FARS2: variants seen among roughly 807,000 people sequenced by gnomAD.
FARS2 encodes the protein phenylalanine--tRNA ligase, mitochondrial.
FARS2 carries 40 observed loss-of-function variants against 46.4 expected under a neutral mutation model. The ratio of observed to expected loss-of-function variants is 0.86; its 90% CI spans 0.67 to 1.12. The LOEUF (loss-of-function observed/expected upper bound fraction) is 1.12, where lower values mean the gene tolerates loss of function less well. Ranked by LOEUF, FARS2 falls within the 50% of genes most tolerant of loss-of-function variation. The pLI, the probability that FARS2 is intolerant of heterozygous loss-of-function variation, is 0.00. For synonymous variants in FARS2, 234 were observed against 214.9 expected, an observed-to-expected ratio of 1.09 and a Z score of -0.78; for missense variants, 513 against 567.9, an observed-to-expected ratio of 0.90 and a Z score of 0.98.
At chr6:5,436,663 A>T (rs559463135) in intron 4 of FARS2, among the ~76,000 whole-genome samples, 1 of 152,344 alleles carries the variant, frequency 6.6e-6, no homozygotes, top group East Asian at 1.9e-4. Context: ...TAGAGACTTC[A>T]TAAAGGAGAT....
intron 3 of FARS2, among the ~76,000 whole-genome samples, chr6:5,405,480 C>CTTTTTTTCTTTT (rs765851968): frequency 1.2e-4 from 7 of 58,952 alleles, no homozygotes; most frequent in Non-Finnish European, 2.2e-4. Flanking sequence ...GAGCAAGGTT[C>CTTTTTTTCTTTT]TTTTTTTTTT....
chr6:5,744,693 A>G (rs1317756517), intron 6 of FARS2, among the ~76,000 whole-genome samples: 1 of 152,224 alleles, frequency 6.6e-6, no homozygotes, highest in African/African-American at 2.4e-5. Flanking sequence ...GATAAAGGCC[A>G]GAACACAGGG....
At chr6:5,517,998 T>C (rs1290132877) in intron 4 of FARS2, among the ~76,000 whole-genome samples, 5 of 152,300 alleles carry the variant, frequency 3.3e-5, no homozygotes, top group East Asian at 3.9e-4. Context: ...ATGGAAAGTC[T>C]TGGGTGCTGT....
intron 1 of FARS2, among the ~76,000 whole-genome samples, chr6:5,287,949 T>C (rs1020572362): frequency 6.6e-6 from 1 of 152,170 alleles, no homozygotes; most frequent in Non-Finnish European, 1.5e-5. Flanking sequence ...CTGATTATTA[T>C]TAAGGTAGTG....
chr6:5,654,185 G>A (rs1433569592), intron 6 of FARS2, among the ~76,000 whole-genome samples: 3 of 152,124 alleles, frequency 2.0e-5, no homozygotes, highest in Non-Finnish European at 2.9e-5. Context: ...GGAAACCACG[G>A]CTGCCCCATC....
At chr6:5,511,278 G>A (rs62387161) in intron 4 of FARS2, among the ~76,000 whole-genome samples, 4 of 151,926 alleles carry the variant, frequency 2.6e-5, no homozygotes, top group Admixed American at 6.6e-5. Flanking sequence ...GAGAAGGAAA[G>A]CATTTGTGCT....
intron 4 of FARS2, among the ~76,000 whole-genome samples, chr6:5,462,496 T>C (rs1765298237): frequency 6.6e-6 from 1 of 152,230 alleles, no homozygotes; most frequent in Non-Finnish European, 1.5e-5. Flanking sequence ...TATATTTTCT[T>C]CTAGAAGTTT....
intron 6 of FARS2, among the ~76,000 whole-genome samples, chr6:5,686,575 GC>G (rs1757244745): frequency 6.6e-6 from 1 of 152,152 alleles, no homozygotes; most frequent in South Asian, 2.1e-4. Flanking sequence ...GTATATATGT[GC>G]CACATTTTCT....
chr6:5,453,381 CAT>C (rs1198665463), intron 4 of FARS2, among the ~76,000 whole-genome samples: 1 of 152,122 alleles, frequency 6.6e-6, no homozygotes, highest in Non-Finnish European at 1.5e-5. Context: ...AGGAGGGAAA[CAT>C]AATTAATTAA....
chr6:5,688,626 C>G (rs1343666080), intron 6 of FARS2, among the ~76,000 whole-genome samples: 1 of 152,162 alleles, frequency 6.6e-6, no homozygotes, highest in Non-Finnish European at 1.5e-5. Flanking sequence ...AGGATTTTTG[C>G]ATTGATGTTC....
intron 6 of FARS2, among the ~76,000 whole-genome samples, chr6:5,756,742 AGTTT>A (rs1762227656): frequency 6.6e-6 from 1 of 152,208 alleles, no homozygotes; most frequent in Non-Finnish European, 1.5e-5. Flanking sequence ...TAGAATCTTT[AGTTT>A]ATCTTATTCT....
intron 4 of FARS2, among the ~76,000 whole-genome samples, chr6:5,538,339 CG>C (rs1330581787): frequency 6.6e-6 from 1 of 151,784 alleles, no homozygotes; most frequent in Non-Finnish European, 1.5e-5. Context: ...AGTACATACC[CG>C]AGGATAAAAT....
At chr6:5,530,073 C>A (rs6938581) in intron 4 of FARS2, among the ~76,000 whole-genome samples, 16,891 of 152,202 alleles carry the variant, frequency 0.11, 998 homozygotes, top group Middle Eastern at 0.17. Context: ...TGTTTTAAAC[C>A]ACTAAGTTTT....
chr6:5,510,630 G>T (rs1161379974), intron 4 of FARS2, among the ~76,000 whole-genome samples: 1 of 152,166 alleles, frequency 6.6e-6, no homozygotes, highest in Non-Finnish European at 1.5e-5. Flanking sequence ...GCAGCCCCTG[G>T]ACCTGCTAGA....
At chr6:5,632,722 C>A (rs903644334) in intron 6 of FARS2, among the ~76,000 whole-genome samples, 1 of 147,048 alleles carries the variant, frequency 6.8e-6, no homozygotes, top group Non-Finnish European at 1.5e-5. Context: ...ATTTGCATTT[C>A]CCTGATGACT....
intron 4 of FARS2, among the ~76,000 whole-genome samples, chr6:5,542,744 A>G (rs985968317): frequency 3.3e-5 from 5 of 152,228 alleles, no homozygotes; most frequent in Admixed American, 6.5e-5. Flanking sequence ...ATTCCCACCC[A>G]ATAATTTACG....
At chr6:5,306,595 A>G (rs1409652834) in intron 1 of FARS2, among the ~76,000 whole-genome samples, 2 of 152,158 alleles carry the variant, frequency 1.3e-5, no homozygotes, top group Non-Finnish European at 1.5e-5. Context: ...CCTTGATATA[A>G]CAGTATTTTA....
chr6:5,250,660 T>C, the FARS2 span, among the ~76,000 whole-genome samples: 2 of 152,340 alleles, frequency 1.3e-5, no homozygotes, highest in African/African-American at 4.8e-5. Flanking sequence ...CAGGTAACAA[T>C]AGTTCTTTGT....
At chr6:5,352,654 C>T (rs1436068275) in intron 1 of FARS2, among the ~76,000 whole-genome samples, 8 of 151,756 alleles carry the variant, frequency 5.3e-5, no homozygotes, top group South Asian at 4.2e-4. Context: ...TCTCAGTTTC[C>T]GCTAACTATA....
Sources: gnomAD v4.1 joint callset for allele counts (sites outside exome capture counted in the v4.1 genomes callset) on GRCh38, gnomAD v4.1.1 for gene constraint, MANE v1.5 for transcripts, NCBI Gene and HGNC (gene_info 2026-07-23, HGNC 2026-07-21) for gene names.